CREB5: variants seen among roughly 807,000 people sequenced by gnomAD.
CREB5 encodes cyclic AMP-responsive element-binding protein 5.
Under a neutral mutation model 57.1 loss-of-function variants are expected in CREB5, and 19 were observed. The ratio of observed to expected loss-of-function variants is 0.33; its 90% CI spans 0.23 to 0.49. The LOEUF is 0.49. Ranked by LOEUF, CREB5 falls within the 20% of genes least tolerant of loss-of-function variation. The pLI is 0.99. For synonymous variants in CREB5, 238 were observed against 238.3 expected, an observed-to-expected ratio of 1.00 and a Z score of 0.01; for missense variants, 579 against 671.6, an observed-to-expected ratio of 0.86 and a Z score of 1.52.
intron 7 of CREB5, among the ~76,000 whole-genome samples, chr7:28,795,566 C>T (rs1332497379): frequency 3.3e-5 from 5 of 152,214 alleles, no homozygotes; most frequent in Middle Eastern, 3.4e-3. Context: ...TTTTGGTCTT[C>T]GTTGTTTCAT....
At chr7:28,750,414 C>T (rs1391606599) in intron 7 of CREB5, among the ~76,000 whole-genome samples, 1 of 152,104 alleles carries the variant, frequency 6.6e-6, no homozygotes, top group Non-Finnish European at 1.5e-5. Flanking sequence ...TATGAAATGG[C>T]ATATAGAATG....
In CREB5 at chr7:28,494,364, A is replaced by G. The variant is rs148442911; in HGVS notation, c.76-542A>G. ...GCTGCCTACTTAGGTAGGCATTAGG[A>G]CACAGCTCATTTTTTTGTATATATA... On this transcript the variant is annotated intron_variant, in intron 2 of 10. Coordinates refer to ENST00000357727, the MANE Select transcript of CREB5 (RefSeq NM_182898.4). 8.9e-3 allele frequency among the ~76,000 whole-genome samples: 1,348 copies of G among 152,316 alleles called. 11 individuals carry two copies. The highest frequency in any genetic ancestry group is 0.017 in the Middle Eastern group (5 of 294).
intron 1 of CREB5, among the ~76,000 whole-genome samples, chr7:28,477,350 C>T (rs543654080): frequency 2.6e-5 from 4 of 152,174 alleles, no homozygotes; most frequent in Non-Finnish European, 4.4e-5. Context: ...CTGCCTGCAC[C>T]CTCTTCCCCT....
At chr7:28,809,487 A>G in intron 9 of CREB5, 73 bp downstream of exon 9, 2 of 1,398,762 alleles carry the variant, frequency 1.4e-6, no homozygotes, top group Non-Finnish European at 1.9e-6. Flanking sequence ...CCTGACAGGC[A>G]CTTGTTGACC....
intron 7 of CREB5, among the ~76,000 whole-genome samples, chr7:28,763,159 T>C (rs371357317): frequency 1.1e-5 from 1 of 91,672 alleles, no homozygotes; most frequent in East Asian, 2.2e-4. Flanking sequence ...GAGTTTCTCC[T>C]GATTTTCTAT....
At chr7:28,502,583 C>T (rs1792314505) in intron 3 of CREB5, among the ~76,000 whole-genome samples, 1 of 152,120 alleles carries the variant, frequency 6.6e-6, no homozygotes, top group African/African-American at 2.4e-5. Flanking sequence ...TAAAGAATAT[C>T]CTGTAATTAG....
At chr7:28,793,625 A>C (rs1562645142) in intron 7 of CREB5, among the ~76,000 whole-genome samples, 1 of 152,232 alleles carries the variant, frequency 6.6e-6, no homozygotes, top group Non-Finnish European at 1.5e-5. Flanking sequence ...AGCAAAGGAC[A>C]GTGTCCATCA....
chr7:28,461,281 C>T (rs931144387), intron 1 of CREB5, among the ~76,000 whole-genome samples: 1 of 151,132 alleles, frequency 6.6e-6, no homozygotes, highest in Admixed American at 6.6e-5. Flanking sequence ...AAAGGAAAGA[C>T]AGAGACAAGA....
At chr7:28,375,247 A>C (rs1786797987) in intron 1 of CREB5, among the ~76,000 whole-genome samples, 1 of 152,188 alleles carries the variant, frequency 6.6e-6, no homozygotes, top group African/African-American at 2.4e-5. Context: ...TATTTCTTGA[A>C]ATAAGCCAGG....
At chr7:28,644,605 A>G (rs41319) in intron 5 of CREB5, among the ~76,000 whole-genome samples, 41,219 of 151,908 alleles carry the variant, frequency 0.27, 5,822 homozygotes, top group East Asian at 0.5. Flanking sequence ...TTATGTTTCA[A>G]TTTGAAATTT....
chr7:28,356,058 G>T (rs937124081), intron 1 of CREB5, among the ~76,000 whole-genome samples: 3 of 152,166 alleles, frequency 2.0e-5, no homozygotes, highest in African/African-American at 7.2e-5. Flanking sequence ...ACGCCTCTCT[G>T]TTCGGAAGAA....
chr7:28,435,907 A>G (rs1403944386), intron 1 of CREB5, among the ~76,000 whole-genome samples: 3 of 152,190 alleles, frequency 2.0e-5, no homozygotes, highest in Non-Finnish European at 4.4e-5. Context: ...GAGTAATACC[A>G]TATACATATA....
At chr7:28,672,182 A>ACACACACAC (rs1554283282) in intron 5 of CREB5, among the ~76,000 whole-genome samples, 1 of 92,284 alleles carries the variant, frequency 1.1e-5, no homozygotes, top group Non-Finnish European at 2.7e-5. Context: ...ATGGAAAAAA[A>ACACACACAC]AAAAAAACAC....
chr7:28,656,179 C>A (rs1799326797), intron 5 of CREB5, among the ~76,000 whole-genome samples: 1 of 152,064 alleles, frequency 6.6e-6, no homozygotes, highest in South Asian at 2.1e-4. Flanking sequence ...ATAAGCTTAA[C>A]CAAAAAGGCA....
intron 7 of CREB5, among the ~76,000 whole-genome samples, chr7:28,737,568 T>TAA (rs1804085907): frequency 5.3e-5 from 3 of 56,974 alleles, no homozygotes; most frequent in African/African-American, 1.9e-4. Context: ...TATATATATA[T>TAA]ATATATATAT....
intron 1 of CREB5, among the ~76,000 whole-genome samples, chr7:28,476,740 A>G (rs550251017): frequency 8.2e-4 from 125 of 152,356 alleles, no homozygotes; most frequent in African/African-American, 2.9e-3. Flanking sequence ...CGAAAGAATT[A>G]AAAGATTGCT....
intron 7 of CREB5, chr7:28,749,492 A>C (rs1436895309): frequency 1.3e-5 from 2 of 152,222 alleles, no homozygotes; most frequent in African/African-American, 4.8e-5. Context: ...CAGTTAAAAG[A>C]AGAGAGTGGG....
chr7:28,562,509 G>T (rs772645880), intron 4 of CREB5, among the ~76,000 whole-genome samples: 5 of 152,192 alleles, frequency 3.3e-5, no homozygotes, highest in Non-Finnish European at 5.9e-5. Context: ...TGCTGCTCAG[G>T]AGCTGACAGC....
intron 7 of CREB5, among the ~76,000 whole-genome samples, chr7:28,780,683 T>C (rs553505188): frequency 2.0e-5 from 3 of 152,114 alleles, no homozygotes; most frequent in Non-Finnish European, 2.9e-5. Context: ...GATCGTGTAA[T>C]TGCACTCCAG....
Sources: allele counts gnomAD v4.1 joint callset (sites outside exome capture counted in the v4.1 genomes callset), GRCh38; gene constraint gnomAD v4.1.1; transcripts MANE v1.5; gene names NCBI Gene and HGNC (gene_info 2026-07-23, HGNC 2026-07-21).